The following UBE2D3 variants were observed in gnomAD, a reference collection of about 807,000 sequenced individuals.
UBE2D3 encodes ubiquitin-conjugating enzyme E2 D3.
UBE2D3 carries 2 observed loss-of-function variants against 22.8 expected under a neutral mutation model. That is an observed-to-expected ratio of 0.09 (90% confidence interval 0.04 to 0.28). The LOEUF (loss-of-function observed/expected upper bound fraction) is 0.28, where lower values mean the gene tolerates loss of function less well. Ranked by LOEUF, UBE2D3 falls within the 10% of genes least tolerant of loss-of-function variation. The pLI, the probability that UBE2D3 is intolerant of heterozygous loss-of-function variation, is 1.00. For missense variants in UBE2D3, 27 were observed against 182.5 expected (o/e 0.15, Z 4.91); for synonymous variants, 56 against 60.4 (o/e 0.93, Z 0.34).
intron 4 of UBE2D3, 21 bp downstream of exon 4, chr4:102,809,651 T>C: frequency 6.3e-7 from 1 of 1,581,966 alleles, no homozygotes; most frequent in Non-Finnish European, 8.6e-7. Context: ...AAAACTAAAT[T>C]TAAAAATTCT....
chr4:102,848,434 C>T (rs940997447), intron 1 of UBE2D3, among the ~76,000 whole-genome samples: 15 of 152,114 alleles, frequency 9.9e-5, no homozygotes, highest in Non-Finnish European at 2.1e-4. Context: ...CACCTGAGGT[C>T]AGGAGTTCAA....
Position 102,801,736 on chromosome 4 carries a change from C to A in UBE2D3, c.199-177G>T. On this transcript the variant is annotated intron_variant, in intron 5 of 7. Coordinates refer to ENST00000453744, the MANE Select transcript of UBE2D3 (RefSeq NM_181891.3). ...AACCCCCTGCCTCCTCTTTTTACAA[C>A]AGAAACCTAAACTTTTGGATAAAAA... The A allele has an allele frequency of 1.2e-5, 6 of 506,368 alleles. No homozygotes were observed. The East Asian group carries it at 1.4e-4, about 12-fold the overall frequency. 31.4% of individuals were successfully genotyped at this position (506,368 alleles called of 1,614,324 possible). A position where few individuals can be genotyped will look rare whatever the true frequency, so the allele number is the denominator to read the frequency against.
At chr4:102,855,246 C>T (rs950058103) in intron 1 of UBE2D3, among the ~76,000 whole-genome samples, 6 of 152,150 alleles carry the variant, frequency 3.9e-5, no homozygotes, top group African/African-American at 1.4e-4. Context: ...CCATTTTGCT[C>T]TACCTTTCTA....
At chr4:102,827,094 G>A (rs755537354) in intron 1 of UBE2D3, 103 of 987,796 alleles carry the variant, frequency 1.0e-4, no homozygotes, top group Non-Finnish European at 1.2e-4. Flanking sequence ...GACTTGATGT[G>A]TATTGCTATC....
At chr4:102,798,749 A>G (rs223436) in intron 7 of UBE2D3, among the ~76,000 whole-genome samples, 81,310 of 150,692 alleles carry the variant, frequency 0.54, 22,474 homozygotes, top group African/African-American at 0.68. Context: ...CTTTCAAGCA[A>G]TAACGGCTAC....
intron 2 of UBE2D3, among the ~76,000 whole-genome samples, chr4:102,819,324 C>T (rs1395571465): frequency 2.8e-5 from 4 of 144,346 alleles, no homozygotes; most frequent in South Asian, 4.3e-4. Context: ...ACCAAGACTC[C>T]GCCTCAAAAA....
intron 2 of UBE2D3, among the ~76,000 whole-genome samples, chr4:102,823,197 CA>C (rs780836948): frequency 1.3e-5 from 2 of 150,604 alleles, no homozygotes; most frequent in Non-Finnish European, 1.5e-5. Flanking sequence ...TTCTGAATGA[CA>C]AAAAAAAACT....
chr4:102,809,343 G>A, intron 4 of UBE2D3: 1 of 287,076 alleles, frequency 3.5e-6, no homozygotes, highest in Admixed American at 4.7e-5. Flanking sequence ...GCATATCAGA[G>A]CCAGTAACTT....
chr4:102,823,605 CCT>C (rs1729975868), intron 2 of UBE2D3, among the ~76,000 whole-genome samples: 1 of 152,114 alleles, frequency 6.6e-6, no homozygotes, highest in African/African-American at 2.4e-5. Flanking sequence ...TATTGTAGTC[CCT>C]GTTTAATGGG....
At chr4:102,836,413 C>T (rs776466643) in intron 1 of UBE2D3, among the ~76,000 whole-genome samples, 1 of 152,130 alleles carries the variant, frequency 6.6e-6, no homozygotes, top group African/African-American at 2.4e-5. Flanking sequence ...TCCCAAAGTG[C>T]TGGGATTATA....
upstream of UBE2D3, among the ~76,000 whole-genome samples, chr4:102,828,415 G>A (rs914397613): frequency 4.6e-5 from 7 of 152,122 alleles, no homozygotes; most frequent in African/African-American, 1.2e-4. Flanking sequence ...GACCCAGGTT[G>A]GCCGCTCATC....
intron 4 of UBE2D3, chr4:102,809,178 A>T (rs1578235523): frequency 3.0e-6 from 1 of 335,652 alleles, no homozygotes; most frequent in South Asian, 2.2e-5. Flanking sequence ...GATAGAAAGG[A>T]ATTTTGCTAT....
intron 1 of UBE2D3, among the ~76,000 whole-genome samples, chr4:102,840,816 GTAAA>G (rs2110356042): frequency 6.6e-6 from 1 of 152,216 alleles, no homozygotes; most frequent in South Asian, 2.1e-4. Context: ...TCATAAATAT[GTAAA>G]CTATTATATA....
intron 2 of UBE2D3, chr4:102,825,651 T>C (rs1578267401): frequency 8.8e-6 from 9 of 1,025,370 alleles, no homozygotes; most frequent in Non-Finnish European, 1.1e-5. Flanking sequence ...AAATCGATAA[T>C]ATACTATCAA....
In UBE2D3 at chr4:102,797,046, CT is replaced by C; in HGVS notation, c.*368del. ...ATGTGACAACTGAGCATCCATCTCC[CT>C]CCCCCTCAGATGATTTCTTCAGCAT... On this transcript the variant is annotated 3_prime_UTR_variant, in exon 8 of 8. Transcript: ENST00000453744. The C allele has an allele frequency of 1.2e-5, 2 of 173,882 alleles. No homozygotes were observed. The highest frequency in any genetic ancestry group is 1.5e-4 in the East Asian group (1 of 6,474). The allele number at this position is 173,882 out of a possible 1,614,324, so 10.8% of individuals were successfully genotyped here.
intron 1 of UBE2D3, among the ~76,000 whole-genome samples, chr4:102,858,550 G>A (rs1370599271): frequency 6.6e-6 from 1 of 151,768 alleles, no homozygotes; most frequent in Non-Finnish European, 1.5e-5. Context: ...ACGACACAAG[G>A]TGTCGTTTAA....
intron 4 of UBE2D3, among the ~76,000 whole-genome samples, chr4:102,808,586 T>G (rs223419): frequency 6.6e-6 from 1 of 151,920 alleles, no homozygotes; most frequent in Non-Finnish European, 1.5e-5. Context: ...CCTCCCTGCT[T>G]CAATTTCCCA....
At chr4:102,813,651 A>G (rs746314715) in intron 2 of UBE2D3, among the ~76,000 whole-genome samples, 17 of 152,224 alleles carry the variant, frequency 1.1e-4, no homozygotes, top group Non-Finnish European at 2.1e-4. Flanking sequence ...ATAGCCATTC[A>G]ACTTGGTGAG....
chr4:102,827,024 G>C, intron 1 of UBE2D3: 1 of 993,680 alleles, frequency 1.0e-6, no homozygotes, highest in Non-Finnish European at 1.2e-6. Flanking sequence ...CGGACGCCGG[G>C]CTGCTTTCGG....
Sources: allele counts gnomAD v4.1 joint callset (sites outside exome capture counted in the v4.1 genomes callset), GRCh38; gene constraint gnomAD v4.1.1; transcripts MANE v1.5; gene names NCBI Gene and HGNC (gene_info 2026-07-23, HGNC 2026-07-21).